CACHD1: variants seen among roughly 807,000 people sequenced by gnomAD.
CACHD1 encodes the protein cache domain containing 1, also known as VWFA and cache domain-containing protein 1.
A neutral mutation model predicts 138.7 loss-of-function variants in CACHD1; 71 were observed. The observed-to-expected ratio is 0.51, with a 90% confidence interval of 0.42 to 0.62. CACHD1 has a LOEUF of 0.62. Ranked by LOEUF, CACHD1 falls within the 20% of genes least tolerant of loss-of-function variation. The pLI is 0.00. For missense variants in CACHD1, 1,389 were observed against 1,625.3 expected (o/e 0.85, Z 2.50); for synonymous variants, 578 against 591.5 (o/e 0.98, Z 0.33).
intron 1 of CACHD1, among the ~76,000 whole-genome samples, chr1:64,497,820 A>G (rs967509428): frequency 4.6e-5 from 7 of 152,130 alleles, no homozygotes; most frequent in Admixed American, 4.6e-4. Context: ...GTGGGGCAAT[A>G]TACCCTTAAA....
intron 2 of CACHD1, among the ~76,000 whole-genome samples, chr1:64,566,598 G>A (rs1646884822): frequency 7.7e-6 from 1 of 129,608 alleles, no homozygotes; most frequent in African/African-American, 2.6e-5. Context: ...TTGGTATATT[G>A]AAGGTTAGTA....
In CACHD1 at chr1:64,561,285, C is replaced by T. The variant is rs371228771; in HGVS notation, c.261+10629C>T. On this transcript the variant is annotated intron_variant, in intron 2 of 26. Coordinates refer to ENST00000651257, the MANE Select transcript of CACHD1 (RefSeq NM_020925.4). ...GCAACTTACAGGTTCATTTCTCTAA[C>T]GCTATTCTTTATGCTAGTTATCATA... Among the ~76,000 whole-genome samples the T allele has an allele frequency of 6.7e-4, 102 of 151,876 alleles. 1 individual carries two copies. The highest frequency in any genetic ancestry group is 2.2e-3 in the African/African-American group (91 of 41,426).
chr1:64,649,239 C>T (rs1212191371), intron 9 of CACHD1, among the ~76,000 whole-genome samples: 7 of 152,090 alleles, frequency 4.6e-5, no homozygotes, highest in Admixed American at 3.9e-4. Context: ...CTGTCTCACC[C>T]CGGCCGGAGT....
intron 1 of CACHD1, among the ~76,000 whole-genome samples, chr1:64,493,679 A>G (rs931716774): frequency 6.6e-6 from 1 of 152,194 alleles, no homozygotes; most frequent in Admixed American, 6.5e-5. Flanking sequence ...AGTTTTGTCT[A>G]TACCTTCTTT....
chr1:64,544,314 G>A (rs2100437243), intron 1 of CACHD1, among the ~76,000 whole-genome samples: 1 of 152,324 alleles, frequency 6.6e-6, no homozygotes, highest in Admixed American at 6.5e-5. Context: ...GTATTCTGCT[G>A]TAGCATTCAT....
intron 1 of CACHD1, among the ~76,000 whole-genome samples, chr1:64,500,668 C>T (rs1036881639): frequency 6.9e-6 from 1 of 145,462 alleles, no homozygotes; most frequent in Non-Finnish European, 1.5e-5. Context: ...GTTTGAGCAA[C>T]ACAGCAAGAC....
At chr1:64,567,169 T>C (rs775878634) in intron 2 of CACHD1, among the ~76,000 whole-genome samples, 1 of 152,136 alleles carries the variant, frequency 6.6e-6, no homozygotes, top group Non-Finnish European at 1.5e-5. Context: ...CAGCACACAT[T>C]TGTTGAGTAC....
chr1:64,538,418 T>C (rs1646651614), intron 1 of CACHD1, among the ~76,000 whole-genome samples: 2 of 152,232 alleles, frequency 1.3e-5, no homozygotes, highest in South Asian at 4.1e-4. Flanking sequence ...AGACATCATA[T>C]GACAGAAAGA....
intron 11 of CACHD1, 83 bp downstream of exon 11, chr1:64,653,964 G>T: frequency 8.6e-7 from 1 of 1,164,292 alleles, no homozygotes; most frequent in Non-Finnish European, 1.2e-6. Flanking sequence ...TTACTACAGA[G>T]TATAAAACAA....
intron 1 of CACHD1, among the ~76,000 whole-genome samples, chr1:64,536,094 G>A (rs1056928455): frequency 6.6e-6 from 1 of 152,054 alleles, no homozygotes; most frequent in African/African-American, 2.4e-5. Context: ...ACAATTCAGT[G>A]GTTTTTAGTA....
intron 1 of CACHD1, among the ~76,000 whole-genome samples, chr1:64,528,834 A>AT (rs1012302412): frequency 3.5e-4 from 53 of 151,266 alleles, no homozygotes; most frequent in African/African-American, 8.0e-4. Flanking sequence ...TTGTAATCAC[A>AT]TTTTTTTTTC....
intron 1 of CACHD1, among the ~76,000 whole-genome samples, chr1:64,515,291 A>G (rs981955291): frequency 2.6e-5 from 4 of 152,190 alleles, no homozygotes; most frequent in South Asian, 2.1e-4. Context: ...GGAAAACACA[A>G]TTGGGGAGCT....
intron 1 of CACHD1, among the ~76,000 whole-genome samples, chr1:64,510,685 G>A (rs933246148): frequency 6.6e-6 from 1 of 151,990 alleles, no homozygotes; most frequent in Non-Finnish European, 1.5e-5. Context: ...TGTTCTGGTG[G>A]TCATTATTCA....
chr1:64,567,793 TATAAG>T (rs1226388699), intron 2 of CACHD1, among the ~76,000 whole-genome samples: 1 of 152,238 alleles, frequency 6.6e-6, no homozygotes, highest in Non-Finnish European at 1.5e-5. Context: ...CATCAGCTGA[TATAAG>T]ATAAATAATA....
chr1:64,605,645 G>A (rs1034540862), intron 4 of CACHD1, among the ~76,000 whole-genome samples: 2 of 152,120 alleles, frequency 1.3e-5, no homozygotes, highest in African/African-American at 2.4e-5. Flanking sequence ...CAGACTGAGT[G>A]GGGGGTGTGC....
In CACHD1 at chr1:64,632,737, T is replaced by C; in HGVS notation, c.783T>C (p.His261=). Residue 261 remains histidine (H), a synonymous_variant, in exon 6 of 27, where the codon CAT becomes CAC. Coordinates refer to ENST00000651257, the MANE Select transcript of CACHD1 (RefSeq NM_020925.4). ...TCATCCTCAGCGCCATCGATGAACA[T>C]GACAAGGTGACCATGACCCTTGTGA... ...AQVILSAIDE[H]DKISVLTVAD... The C allele has an allele frequency of 6.2e-7, 1 of 1,614,122 alleles. No individual in the cohort carries two copies. The highest frequency in any genetic ancestry group is 1.1e-5 in the South Asian group (1 of 91,082).
chr1:64,566,400 G>T (rs1646880611), intron 2 of CACHD1, among the ~76,000 whole-genome samples: 1 of 148,860 alleles, frequency 6.7e-6, no homozygotes, highest in African/African-American at 2.4e-5. Context: ...CCTTTCCAGG[G>T]TCACCCAAGT....
chr1:64,577,889 A>C (rs944813232), intron 2 of CACHD1, among the ~76,000 whole-genome samples: 1 of 152,130 alleles, frequency 6.6e-6, no homozygotes. Flanking sequence ...TGAAGAATGC[A>C]GCTGAAGGCC....
In CACHD1 at chr1:64,553,224, A is replaced by G. The variant is rs374713692; in HGVS notation, c.261+2568A>G. Among the ~76,000 whole-genome samples, 5 of 152,228 alleles carry G rather than the reference A, an allele frequency of 3.3e-5. No homozygotes were observed. In the East Asian group the frequency reaches 7.7e-4, roughly 23 times the overall value. Reference sequence around the variant, plus strand: ...TTACGCATTTATTGAAAAATTTGCTATCACTTCATTATGATGGTTCTCCCA... The same window carrying G: ...TTACGCATTTATTGAAAAATTTGCTGTCACTTCATTATGATGGTTCTCCCA... On this transcript the variant is annotated intron_variant, in intron 2 of 26. Coordinates refer to ENST00000651257, the MANE Select transcript of CACHD1 (RefSeq NM_020925.4).
Sources: gnomAD v4.1 joint callset for allele counts (sites outside exome capture counted in the v4.1 genomes callset) on GRCh38, gnomAD v4.1.1 for gene constraint, MANE v1.5 for transcripts, NCBI Gene and HGNC (gene_info 2026-07-23, HGNC 2026-07-21) for gene names.